ARMCX4: variants seen among roughly 807,000 people sequenced by gnomAD.
The protein encoded by ARMCX4 is armadillo repeat-containing X-linked protein 4.
A neutral mutation model predicts 34.7 loss-of-function variants in ARMCX4; 3 were observed. That is an observed-to-expected ratio of 0.09 (90% CI 0.04 to 0.22). ARMCX4 has a LOEUF of 0.22. ARMCX4 is among the 10% of genes least tolerant of loss of function. ARMCX4 has a pLI of 1.00. For missense variants in ARMCX4, 1,448 were observed against 1,720.8 expected (o/e 0.84, Z 2.81); for synonymous variants, 513 against 632.8 (o/e 0.81, Z 2.84).
intron 11 of ARMCX4, among the ~76,000 whole-genome samples, chrX:101,521,755 C>A (rs1268776946): frequency 3.6e-5 from 4 of 111,041 alleles, no homozygotes; most frequent in African/African-American, 1.3e-4. Flanking sequence ...TATTTTCTAA[C>A]TTATTTTGTT....
At chrX:101,468,543 G>A (rs1932834959) in intron 4 of ARMCX4, among the ~76,000 whole-genome samples, 1 of 110,731 alleles carries the variant, frequency 9.0e-6, no homozygotes. Flanking sequence ...ACCCGCCTTG[G>A]CCTCCCAAAG....
chrX:101,508,055 C>T (rs1490499962), intron 8 of ARMCX4, among the ~76,000 whole-genome samples: 4 of 112,179 alleles, frequency 3.6e-5, no homozygotes, highest in South Asian at 7.4e-4. Flanking sequence ...GTATTCAGTA[C>T]AGTAACACGC....
intron 4 of ARMCX4, among the ~76,000 whole-genome samples, chrX:101,474,638 T>C (rs1202241709): frequency 9.5e-6 from 1 of 105,448 alleles, no homozygotes; most frequent in Non-Finnish European, 1.9e-5. Context: ...ATTCCTGGGA[T>C]GCAAGGCTGG....
At chrX:101,479,067 C>A (rs1001519525) in intron 4 of ARMCX4, among the ~76,000 whole-genome samples, 3 of 110,503 alleles carry the variant, frequency 2.7e-5, no homozygotes, top group African/African-American at 9.9e-5. Context: ...TTTGAAAGTT[C>A]GTTATTTCAC....
chrX:101,457,488 C>G (rs1352455161), intron 4 of ARMCX4, among the ~76,000 whole-genome samples: 1 of 111,188 alleles, frequency 9.0e-6, no homozygotes, highest in Admixed American at 9.5e-5. Flanking sequence ...CCAACAGAGG[C>G]AGAGGTGGGC....
chrX:101,489,834 T>C lies in ARMCX4; in HGVS notation c.1245T>C (p.Asp415=), dbSNP rs1933898510. The change falls in exon 6 of 6, where the codon GAT becomes GAC. Residue 415 remains aspartate, a synonymous_variant. Coordinates refer to ENST00000423738, the MANE Select transcript of ARMCX4 (RefSeq NM_001256155.3). ...GTACTCACGCTGAGGCCATGTCTGA[T>C]GCTAAGGTTAAGAACAGAGGCAATC... is the stretch of plus-strand genomic sequence containing the variant. ...VASTHAEAMS[D]AKVKNRGNPN... 5 of 1,154,758 alleles carry C rather than the reference T, an allele frequency of 4.3e-6. No homozygotes were observed. The highest frequency in any genetic ancestry group is 4.6e-6 in the Non-Finnish European group (4 of 872,787).
chrX:101,433,132 T>C (rs6621060), intron 2 of ARMCX4, among the ~76,000 whole-genome samples: 8 of 102,526 alleles, frequency 7.8e-5, no homozygotes, highest in Non-Finnish European at 1.4e-4. Context: ...GTATACATAT[T>C]TGTATATATA....
At chrX:101,530,086 A>T (rs12833777) in intron 11 of ARMCX4, among the ~76,000 whole-genome samples, 40,401 of 111,179 alleles carry the variant, frequency 0.36, 5,689 homozygotes, top group Non-Finnish European at 0.43. Flanking sequence ...AACCAACACA[A>T]GTGTCCATCA....
chrX:101,439,534 A>G (rs1274151208), intron 2 of ARMCX4, among the ~76,000 whole-genome samples: 1 of 111,608 alleles, frequency 9.0e-6, no homozygotes, highest in Non-Finnish European at 1.9e-5. Context: ...GCCTTGCTAG[A>G]TTGGGGAAAT....
intron 4 of ARMCX4, among the ~76,000 whole-genome samples, chrX:101,454,833 A>G (rs966042990): frequency 9.0e-5 from 10 of 111,412 alleles, no homozygotes; most frequent in African/African-American, 2.9e-4. Flanking sequence ...GGGTGCCAGC[A>G]TGGTTGGGCT....
chrX:101,519,025 A>G (rs1336206358), intron 11 of ARMCX4, among the ~76,000 whole-genome samples: 1 of 111,426 alleles, frequency 9.0e-6, no homozygotes, highest in Non-Finnish European at 1.9e-5. Flanking sequence ...TCATCAGTTA[A>G]TTGAAAAATA....
intron 4 of ARMCX4, among the ~76,000 whole-genome samples, chrX:101,474,963 A>T (rs2147635306): frequency 9.9e-6 from 1 of 100,876 alleles, no homozygotes; most frequent in African/African-American, 3.7e-5. Flanking sequence ...TGGCCAGGGC[A>T]ATTAGGCAGG....
chrX:101,515,091 A>G (rs1934678359), intron 11 of ARMCX4, among the ~76,000 whole-genome samples: 1 of 111,409 alleles, frequency 9.0e-6, no homozygotes, highest in Non-Finnish European at 1.9e-5. Context: ...TGTGTTGGGA[A>G]TTTGAAGCCC....
In ARMCX4 at chrX:101,456,063, G is replaced by A. The variant is rs781918099; in HGVS notation, c.-473+10019G>A. ...CCACATTTTCTTTATCCAGTCCACC[G>A]TTGGTGGGCGGGTACCCGGGTTGAT... On this transcript the variant is annotated intron_variant and NMD_transcript_variant, in intron 4 of 15. Coordinates refer to the ARMCX4 transcript ENST00000433011. Among the ~76,000 whole-genome samples the A allele has an allele frequency of 3.6e-5, 4 of 111,334 alleles. No homozygotes were observed. The South Asian group carries it at 1.5e-3, about 42-fold the overall frequency.
intron 4 of ARMCX4, among the ~76,000 whole-genome samples, chrX:101,461,483 T>C (rs1556001200): frequency 8.9e-6 from 1 of 112,572 alleles, no homozygotes; most frequent in South Asian, 3.7e-4. Context: ...TGGTGGTTTC[T>C]ACCTTTTGGC....
At position 101,495,762 on chromosome X, in the gene ARMCX4, T is replaced by C. The variant is rs1603216454; in HGVS notation, c.*300T>C. 4 of 192,403 alleles carry C rather than the reference T, an allele frequency of 2.1e-5. No homozygotes were observed. Among genetic ancestry groups the C allele is most frequent in the Non-Finnish European group, 3.0e-5 (3 of 100,947 alleles). 15.9% of individuals were successfully genotyped at this position (192,403 alleles called of 1,213,427 possible). A position where few individuals can be genotyped will look rare whatever the true frequency, so the allele number is the denominator to read the frequency against. On this transcript the variant is annotated 3_prime_UTR_variant, in exon 6 of 6. Coordinates refer to ENST00000423738, the MANE Select transcript of ARMCX4 (RefSeq NM_001256155.3). ...ACTTATGTTTATACATTTAAGACTA[T>C]TTTTATGTCATCAATAAAGTTGTGT...
chrX:101,525,575 A>G (rs1416394974), intron 11 of ARMCX4, among the ~76,000 whole-genome samples: 1 of 111,780 alleles, frequency 8.9e-6, no homozygotes, highest in Non-Finnish European at 1.9e-5. Flanking sequence ...AACCTTGAAA[A>G]AAGATTAGAC....
At chrX:101,431,515 C>T (rs1929997244) in intron 2 of ARMCX4, among the ~76,000 whole-genome samples, 3 of 111,377 alleles carry the variant, frequency 2.7e-5, no homozygotes, top group Non-Finnish European at 5.7e-5. Context: ...AAAATTGCCC[C>T]ACATTTGGTA....
chrX:101,456,288 A>G (rs925891914), intron 4 of ARMCX4, among the ~76,000 whole-genome samples: 2 of 112,120 alleles, frequency 1.8e-5, no homozygotes, highest in Non-Finnish European at 3.8e-5. Flanking sequence ...CCAACAGTAT[A>G]TAAGTGTTCC....
Sources: gnomAD v4.1 joint callset for allele counts (sites outside exome capture counted in the v4.1 genomes callset) on GRCh38, gnomAD v4.1.1 for gene constraint, MANE v1.5 for transcripts, NCBI Gene and HGNC (gene_info 2026-07-23, HGNC 2026-07-21) for gene names.